Variants in PSD3 observed in about 807,000 individuals in gnomAD.
The protein encoded by PSD3 is PH and SEC7 domain-containing protein 3.
In PSD3, 49 loss-of-function variants were observed where a neutral mutation model predicts 105.5. The observed-to-expected ratio is 0.46, with a 90% CI of 0.37 to 0.59. PSD3 has a LOEUF of 0.59. Ranked by LOEUF, PSD3 falls within the 20% of genes least tolerant of loss-of-function variation. PSD3 has a pLI of 0.00. For missense variants in PSD3, 1,561 were observed against 1,263.8 expected (o/e 1.24, Z -3.57); for synonymous variants, 557 against 457.8 (o/e 1.22, Z -2.77).
intron 1 of PSD3, among the ~76,000 whole-genome samples, chr8:19,059,995 G>A (rs1229932279): frequency 6.6e-6 from 1 of 152,174 alleles, no homozygotes; most frequent in African/African-American, 2.4e-5. Context: ...GTCAAATCTG[G>A]GCTTGAAATA....
chr8:19,064,868 G>T (rs988900504), intron 1 of PSD3, among the ~76,000 whole-genome samples: 5 of 152,136 alleles, frequency 3.3e-5, no homozygotes, highest in African/African-American at 1.2e-4. Context: ...GTAAAGCAGT[G>T]AACATTTACT....
At chr8:18,633,571 C>G (rs563118725) in intron 10 of PSD3, among the ~76,000 whole-genome samples, 1 of 152,134 alleles carries the variant, frequency 6.6e-6, no homozygotes, top group Non-Finnish European at 1.5e-5. Flanking sequence ...GCATCCATGC[C>G]GCTGCAAAGG....
At position 19,060,880 on chromosome 8, in the gene PSD3, C is replaced by T. The variant is rs973495715; in HGVS notation, c.324+23326G>A. On this transcript the variant is annotated intron_variant, in intron 1 of 1. Coordinates refer to the PSD3 transcript ENST00000521475. ...CTTTAAAACTGGCAAGTGGCTTTGA[C>T]GGTGCCCATCCCTGGTTATCTAGGC... is the stretch of plus-strand genomic sequence containing the variant. Among the ~76,000 whole-genome samples, 13 of 152,328 alleles carry T rather than the reference C, an allele frequency of 8.5e-5. No individual in the cohort carries two copies. In the South Asian group the frequency reaches 1.4e-3, roughly 17 times the overall value.
At chr8:18,705,627 T>C (rs1372285333) in intron 9 of PSD3, among the ~76,000 whole-genome samples, 2 of 150,768 alleles carry the variant, frequency 1.3e-5, no homozygotes, top group East Asian at 3.9e-4. Flanking sequence ...TTGAAATACA[T>C]ATTGATATGT....
At chr8:18,852,901 A>G (rs1815707986) in intron 4 of PSD3, among the ~76,000 whole-genome samples, 1 of 152,170 alleles carries the variant, frequency 6.6e-6, no homozygotes, top group Non-Finnish European at 1.5e-5. Flanking sequence ...TGCACTACAC[A>G]CTAGTTAATC....
chr8:18,546,427 G>A (rs976795211), intron 15 of PSD3, among the ~76,000 whole-genome samples: 2 of 152,158 alleles, frequency 1.3e-5, no homozygotes, highest in Non-Finnish European at 2.9e-5. Context: ...CCAACCCAAG[G>A]AGTCAGTGAG....
intron 11 of PSD3, among the ~76,000 whole-genome samples, chr8:18,615,418 C>T (rs561024097): frequency 5.0e-4 from 76 of 152,306 alleles, no homozygotes; most frequent in African/African-American, 1.7e-3. Context: ...AGAACCCCTT[C>T]CCCTCCCTTG....
chr8:18,607,255 C>CA (rs1312942931), intron 11 of PSD3, among the ~76,000 whole-genome samples: 1 of 152,210 alleles, frequency 6.6e-6, no homozygotes, highest in Non-Finnish European at 1.5e-5. Flanking sequence ...CCTGCCCCCT[C>CA]AGGTGCTCCC....
chr8:18,915,222 CCAAAACTA>C (rs1012858388), intron 2 of PSD3, among the ~76,000 whole-genome samples: 11 of 151,930 alleles, frequency 7.2e-5, no homozygotes, highest in Middle Eastern at 3.2e-3. Context: ...AATGTATGAC[CCAAAACTA>C]CAAAACTACT....
intron 9 of PSD3, among the ~76,000 whole-genome samples, chr8:18,713,929 CA>C (rs1268494040): frequency 2.6e-5 from 4 of 152,128 alleles, no homozygotes; most frequent in Admixed American, 2.6e-4. Flanking sequence ...GTACAAAAAA[CA>C]GACACATAGA....
At chr8:19,079,891 C>CTTTT (rs11462511) in intron 1 of PSD3, among the ~76,000 whole-genome samples, 5 of 136,546 alleles carry the variant, frequency 3.7e-5, no homozygotes, top group South Asian at 2.4e-4. Flanking sequence ...AAGAAAATAG[C>CTTTT]TTTTTTTTTT....
chr8:19,035,521 A>G (rs1827911451), intron 1 of PSD3, among the ~76,000 whole-genome samples: 1 of 151,902 alleles, frequency 6.6e-6, no homozygotes, highest in Non-Finnish European at 1.5e-5. Context: ...TGTTAAAAAA[A>G]AACAACAAAA....
At chr8:18,808,060 G>A (rs1243560948) in intron 4 of PSD3, among the ~76,000 whole-genome samples, 2 of 152,186 alleles carry the variant, frequency 1.3e-5, no homozygotes, top group Non-Finnish European at 2.9e-5. Context: ...AAAACTCACA[G>A]TAGAAATTTC....
intron 2 of PSD3, among the ~76,000 whole-genome samples, chr8:18,921,806 A>C (rs180954217): frequency 6.6e-6 from 1 of 152,330 alleles, no homozygotes; most frequent in East Asian, 1.9e-4. Context: ...ATAAATGAGT[A>C]AGGCAGGCAA....
intron 4 of PSD3, among the ~76,000 whole-genome samples, chr8:18,829,098 T>A: frequency 6.6e-6 from 1 of 151,532 alleles, no homozygotes; most frequent in African/African-American, 2.4e-5. Context: ...AATTTAAAAA[T>A]TAGTTGGGCA....
rs1435071421 is a variant in PSD3, at chr8:18,538,791, C to T, written c.2929-2833G>A. 2.0e-5 allele frequency among the ~76,000 whole-genome samples: 3 copies of T among 152,294 alleles called. No individual in the cohort carries two copies. In the South Asian group the frequency reaches 6.2e-4, roughly 32 times the overall value. On this transcript the variant is annotated intron_variant, in intron 15 of 15. Coordinates refer to ENST00000327040, the MANE Select transcript of PSD3 (RefSeq NM_015310.4). ...ATCTCATCCACTCATTTTACAGCTC[C>T]AGCTGCAAAGCTATTGTCTTAAATA...
At chr8:18,832,672 A>G (rs1813773120) in intron 4 of PSD3, among the ~76,000 whole-genome samples, 1 of 152,242 alleles carries the variant, frequency 6.6e-6, no homozygotes, top group African/African-American at 2.4e-5. Flanking sequence ...GGCAATTTAT[A>G]AAGGAAAGCC....
chr8:18,718,100 G>T (rs1001234864), intron 9 of PSD3, among the ~76,000 whole-genome samples: 7 of 152,262 alleles, frequency 4.6e-5, no homozygotes, highest in Admixed American at 1.3e-4. Context: ...CCCTGCCCTA[G>T]TGAGCCCTTG....
intron 1 of PSD3, among the ~76,000 whole-genome samples, chr8:19,054,724 C>T (rs573287521): frequency 6.6e-6 from 1 of 152,278 alleles, no homozygotes; most frequent in East Asian, 1.9e-4. Context: ...ATTAAAGAAA[C>T]TATTCTCAAA....
Sources: allele counts gnomAD v4.1 joint callset (sites outside exome capture counted in the v4.1 genomes callset), GRCh38; gene constraint gnomAD v4.1.1; transcripts MANE v1.5; gene names NCBI Gene and HGNC (gene_info 2026-07-23, HGNC 2026-07-21).